Variants in SGIP1 observed in about 807,000 individuals in gnomAD.
The protein encoded by SGIP1 is SH3GL interacting endocytic adaptor 1.
SGIP1 carries 38 observed loss-of-function variants against 107.5 expected under a neutral mutation model. That is an observed-to-expected ratio of 0.35 (90% confidence interval 0.27 to 0.46). SGIP1 has a LOEUF of 0.46. Ranked by LOEUF, SGIP1 falls within the 20% of genes least tolerant of loss-of-function variation. SGIP1 has a pLI of 1.00. For synonymous variants in SGIP1, 365 were observed against 366.1 expected (o/e 1.00, Z 0.03); for missense variants, 929 against 1,019.5 (o/e 0.91, Z 1.21).
chr1:66,649,097 A>C (rs1472261796), intron 7 of SGIP1, among the ~76,000 whole-genome samples: 3 of 152,156 alleles, frequency 2.0e-5, no homozygotes, highest in Non-Finnish European at 4.4e-5. Flanking sequence ...CTTCTGACCT[A>C]ACAGCATACT....
chr1:66,703,515 A>G (rs1413763939), intron 18 of SGIP1, among the ~76,000 whole-genome samples: 1 of 151,628 alleles, frequency 6.6e-6, no homozygotes, highest in Non-Finnish European at 1.5e-5. Context: ...ACACATATAC[A>G]TACATATGCA....
intron 1 of SGIP1, among the ~76,000 whole-genome samples, chr1:66,613,525 T>C (rs1351323150): frequency 6.6e-6 from 1 of 152,204 alleles, no homozygotes. Flanking sequence ...AAATGGGGTT[T>C]TGCCATGTTG....
At chr1:66,589,044 T>C (rs1023563560) in intron 1 of SGIP1, among the ~76,000 whole-genome samples, 2 of 150,906 alleles carry the variant, frequency 1.3e-5, no homozygotes, top group Admixed American at 6.6e-5. Context: ...AACATGGGCC[T>C]GTTTTAATCA....
At chr1:66,571,015 T>G (rs1490716186) in intron 1 of SGIP1, among the ~76,000 whole-genome samples, 1 of 152,014 alleles carries the variant, frequency 6.6e-6, no homozygotes, top group Non-Finnish European at 1.5e-5. Flanking sequence ...TTAGTGTAAC[T>G]GTGAGTGGGT....
At chr1:66,665,543 C>A (rs2082350267) in intron 8 of SGIP1, among the ~76,000 whole-genome samples, 1 of 152,178 alleles carries the variant, frequency 6.6e-6, no homozygotes, top group African/African-American at 2.4e-5. Context: ...TGAGGAATCG[C>A]CACACTGCCT....
chr1:66,575,397 T>G (rs1036731800), intron 1 of SGIP1, among the ~76,000 whole-genome samples: 1 of 152,210 alleles, frequency 6.6e-6, no homozygotes. Flanking sequence ...AGATCCAACT[T>G]GGATCTTACA....
chr1:66,700,195 AC>A (rs2091669554), intron 18 of SGIP1, among the ~76,000 whole-genome samples: 1 of 151,596 alleles, frequency 6.6e-6, no homozygotes, highest in Admixed American at 6.6e-5. Context: ...ACATGCCGAA[AC>A]CCCGCCTCTA....
intron 1 of SGIP1, among the ~76,000 whole-genome samples, chr1:66,621,899 A>G (rs1558099736): frequency 6.6e-6 from 1 of 152,254 alleles, no homozygotes; most frequent in Non-Finnish European, 1.5e-5. Flanking sequence ...CAAAATAATT[A>G]GAAACTAAAT....
chr1:66,662,910 A>C (rs1355006645), intron 8 of SGIP1, among the ~76,000 whole-genome samples: 1 of 152,216 alleles, frequency 6.6e-6, no homozygotes. Flanking sequence ...TAATAACAGC[A>C]GATAGAATTT....
chr1:66,606,041 G>C (rs537052901), intron 1 of SGIP1, among the ~76,000 whole-genome samples: 22 of 152,272 alleles, frequency 1.4e-4, no homozygotes, highest in African/African-American at 5.1e-4. Flanking sequence ...CTTAGACATA[G>C]ATAATTTCAA....
At chr1:66,659,122 C>T (rs2080375558) in intron 7 of SGIP1, among the ~76,000 whole-genome samples, 1 of 152,102 alleles carries the variant, frequency 6.6e-6, no homozygotes, top group Non-Finnish European at 1.5e-5. Context: ...ATTCTATTTT[C>T]CGGATAATAA....
At position 66,745,263 on chromosome 1, in the gene SGIP1, A is replaced by C. The variant is rs983686299; in HGVS notation, c.*2168A>C. ...TAACATTATTCAAATCTTTCTAGGG[A>C]TTAAATTAGAAACTATGAAGAAATC... On this transcript the variant is annotated 3_prime_UTR_variant, in exon 25 of 25. Coordinates refer to ENST00000371037, the MANE Select transcript of SGIP1 (RefSeq NM_032291.4). 1 of 151,970 alleles carries C rather than the reference A, an allele frequency of 6.6e-6. No homozygotes were observed. The highest frequency in any genetic ancestry group is 1.5e-5 in the Non-Finnish European group (1 of 67,864). 9.4% of individuals were successfully genotyped at this position (151,970 alleles called of 1,614,324 possible). A position where few individuals can be genotyped will look rare whatever the true frequency, so the allele number is the denominator to read the frequency against.
chr1:66,562,077 G>A (rs1487247861), intron 1 of SGIP1, among the ~76,000 whole-genome samples: 2 of 151,670 alleles, frequency 1.3e-5, no homozygotes, highest in South Asian at 4.2e-4. Flanking sequence ...TTAAATAGGT[G>A]TGGGAGTTTC....
Position 66,743,097 on chromosome 1 carries a change from G to A in SGIP1, c.*2G>A. ...GGAAAATACTTGGCAGATAACTAATGAAATCTTATGCAAGGATTTGGAGGA... is the reference window on the plus strand; with the variant it reads ...GGAAAATACTTGGCAGATAACTAATAAAATCTTATGCAAGGATTTGGAGGA... On this transcript the variant is annotated 3_prime_UTR_variant, in exon 25 of 25. Coordinates refer to ENST00000371037, the MANE Select transcript of SGIP1 (RefSeq NM_032291.4). 6.2e-7 allele frequency: 1 copy of A among 1,613,204 alleles called. No homozygotes were observed. The highest frequency in any genetic ancestry group is 1.7e-5 in the Admixed American group (1 of 60,010).
At chr1:66,537,905 A>G (rs1329402385) in intron 1 of SGIP1, among the ~76,000 whole-genome samples, 2 of 152,142 alleles carry the variant, frequency 1.3e-5, no homozygotes, top group Non-Finnish European at 2.9e-5. Context: ...TTGACCCTCT[A>G]GGAACCTCTT....
intron 1 of SGIP1, among the ~76,000 whole-genome samples, chr1:66,612,939 A>T (rs114218130): frequency 1.6e-3 from 245 of 152,306 alleles, no homozygotes; most frequent in African/African-American, 5.6e-3. Flanking sequence ...AAACTAGAAA[A>T]TTTTTAAGAG....
At chr1:66,701,671 T>C (rs1190370776) in intron 18 of SGIP1, among the ~76,000 whole-genome samples, 1 of 152,210 alleles carries the variant, frequency 6.6e-6, no homozygotes, top group Non-Finnish European at 1.5e-5. Context: ...CTCTTCATAA[T>C]AAATTAGTTC....
intron 1 of SGIP1, among the ~76,000 whole-genome samples, chr1:66,546,033 G>A (rs774018826): frequency 6.6e-6 from 1 of 152,234 alleles, no homozygotes; most frequent in African/African-American, 2.4e-5. Flanking sequence ...CAAACTTTTG[G>A]TGAAAGAGTC....
intron 7 of SGIP1, among the ~76,000 whole-genome samples, chr1:66,652,174 T>TG (rs66866417): frequency 0.13 from 19,527 of 148,182 alleles, 1,339 homozygotes; most frequent in Admixed American, 0.18. Context: ...GGCTGTAAAA[T>TG]GGGAAAAAAA....
Sources: gnomAD v4.1 joint callset for allele counts (sites outside exome capture counted in the v4.1 genomes callset) on GRCh38, gnomAD v4.1.1 for gene constraint, MANE v1.5 for transcripts, NCBI Gene and HGNC (gene_info 2026-07-23, HGNC 2026-07-21) for gene names.